SHROOM4: variants seen among roughly 807,000 people sequenced by gnomAD.
The protein encoded by SHROOM4 is shroom family member 4.
Under a neutral mutation model 80.3 loss-of-function variants are expected in SHROOM4, and 17 were observed. That is an observed-to-expected ratio of 0.21 (90% CI 0.14 to 0.32). The LOEUF is 0.32. Ranked by LOEUF, SHROOM4 falls within the 10% of genes least tolerant of loss-of-function variation. The pLI is 1.00. For missense variants in SHROOM4, 993 were observed against 1,140.3 expected (o/e 0.87, Z 1.86); for synonymous variants, 400 against 437.5 (o/e 0.91, Z 1.07).
At chrX:50,609,665 ATGTGTG>A (rs3078713) in intron 5 of SHROOM4, among the ~76,000 whole-genome samples, 12 of 88,253 alleles carry the variant, frequency 1.4e-4, no homozygotes, top group Non-Finnish European at 1.9e-4. Flanking sequence ...AGTCATGGAT[ATGTGTG>A]TGTGTGTGTG....
Position 50,633,525 on chromosome X carries a change from G to C in SHROOM4, c.2548C>G (p.Leu850Val). The change falls in exon 4 of 9, where the codon CTT (leucine) becomes GTT (valine). Residue 850 changes from leucine to valine, a missense_variant. Leu to Val is a conservative substitution (Grantham distance 32, BLOSUM62 1). Coordinates refer to ENST00000376020, the MANE Select transcript of SHROOM4 (RefSeq NM_020717.5). ...TDQSYHSMSP[L>V]QSETPTYSEC... ...GAGTAAGTGGGAGTTTCTGACTGAA[G>C]GGGTGACATGGAATGATATGATTGG... 8.3e-7 allele frequency: 1 copy of C among 1,211,545 alleles called. No homozygotes were observed. The highest frequency in any genetic ancestry group is 1.1e-6 in the Non-Finnish European group (1 of 895,439).
intron 1 of SHROOM4, among the ~76,000 whole-genome samples, chrX:50,757,891 G>A (rs1935071406): frequency 9.1e-6 from 1 of 110,355 alleles, no homozygotes; most frequent in Non-Finnish European, 1.9e-5. Flanking sequence ...CATCTGGGAA[G>A]TACAGCCATT....
chrX:50,640,023 C>T (rs1557256864), intron 2 of SHROOM4, among the ~76,000 whole-genome samples: 1 of 111,256 alleles, frequency 9.0e-6, no homozygotes, highest in African/African-American at 3.3e-5. Flanking sequence ...GGGCTGAAGG[C>T]ACAAGGAGAC....
rs1377385115 is a variant in SHROOM4 at position 50,589,782 on chromosome X, G to A, written c.*6913C>T. 3.6e-5 allele frequency among the ~76,000 whole-genome samples: 4 copies of A among 111,521 alleles called. No individual in the cohort carries two copies. Among genetic ancestry groups the A allele is most frequent in the African/African-American group, 9.8e-5 (3 of 30,654 alleles). On this transcript the variant is annotated 3_prime_UTR_variant, in exon 9 of 9. Coordinates refer to ENST00000376020, the MANE Select transcript of SHROOM4 (RefSeq NM_020717.5). Reference sequence around the variant, plus strand: ...TTGAACACCTGTTTCCAATTCTCTTGGGTATATACCTAGGGATGGAATTGC... The same window carrying A: ...TTGAACACCTGTTTCCAATTCTCTTAGGTATATACCTAGGGATGGAATTGC...
At chrX:50,771,129 A>G (rs1012589376) in intron 1 of SHROOM4, among the ~76,000 whole-genome samples, 2 of 111,265 alleles carry the variant, frequency 1.8e-5, no homozygotes, top group African/African-American at 6.5e-5. Context: ...AGGTATCTTT[A>G]AGCTGGAACT....
In SHROOM4 at chrX:50,591,686, T is replaced by C. The variant is rs1325363986; in HGVS notation, c.*5009A>G. On this transcript the variant is annotated 3_prime_UTR_variant, in exon 9 of 9. Transcript: ENST00000376020. ...TGGAACTGTTTTCTTTCTTTCTTTCTTTCTTTCTTTTCTTTCTTTCTTTCT... is the reference window on the plus strand; with the variant it reads ...TGGAACTGTTTTCTTTCTTTCTTTCCTTCTTTCTTTTCTTTCTTTCTTTCT... 1 of 262,420 alleles carries C rather than the reference T, an allele frequency of 3.8e-6. No homozygotes were observed. The highest frequency in any genetic ancestry group is 6.7e-6 in the Non-Finnish European group (1 of 149,717). 21.6% of individuals were successfully genotyped at this position (262,420 alleles called of 1,213,427 possible).
intron 2 of SHROOM4, among the ~76,000 whole-genome samples, chrX:50,690,909 G>A: frequency 8.9e-6 from 1 of 112,688 alleles, no homozygotes; most frequent in Non-Finnish European, 1.9e-5. Context: ...GGAGGTTATA[G>A]TGAGCCAAGA....
intron 1 of SHROOM4, among the ~76,000 whole-genome samples, chrX:50,701,147 C>T (rs1034916997): frequency 2.7e-5 from 3 of 111,801 alleles, no homozygotes; most frequent in South Asian, 7.6e-4. Flanking sequence ...CAACAAAGGC[C>T]GTCTAAGCTC....
At chrX:50,704,764 G>T (rs146743512) in intron 1 of SHROOM4, among the ~76,000 whole-genome samples, 22 of 111,089 alleles carry the variant, frequency 2.0e-4, no homozygotes, top group African/African-American at 6.9e-4. Flanking sequence ...CCCTCCAGCA[G>T]ATGTGGACGA....
At chrX:50,794,675 T>A (rs1448405770) in intron 1 of SHROOM4, among the ~76,000 whole-genome samples, 1 of 100,620 alleles carries the variant, frequency 9.9e-6, no homozygotes, top group East Asian at 3.1e-4. Flanking sequence ...CACACTAAAA[T>A]TCACAGTCTC....
At chrX:50,602,248 C>T (rs996530320) in intron 7 of SHROOM4, among the ~76,000 whole-genome samples, 5 of 110,038 alleles carry the variant, frequency 4.5e-5, no homozygotes, top group South Asian at 4.0e-4. Flanking sequence ...CCCACCACCA[C>T]GCCTGGCTAA....
chrX:50,596,689 G>C lies in SHROOM4; in HGVS notation c.*6C>G. On this transcript the variant is annotated 3_prime_UTR_variant, in exon 9 of 9. Transcript: ENST00000376020. ...GCAGGGATGCTGTGGCAGAGTGCTG[G>C]TAGAATTAGAAATTGCTGGGCCCCA... The C allele has an allele frequency of 8.3e-7, 1 of 1,209,196 alleles. No individual in the cohort carries two copies.
At chrX:50,668,951 G>A (rs993686550) in intron 2 of SHROOM4, among the ~76,000 whole-genome samples, 1 of 112,963 alleles carries the variant, frequency 8.9e-6, no homozygotes, top group Non-Finnish European at 1.9e-5. Flanking sequence ...GTTTCTCCAT[G>A]CATATAAAAG....
At chrX:50,737,903 G>C (rs1347725246) in intron 1 of SHROOM4, among the ~76,000 whole-genome samples, 1 of 111,556 alleles carries the variant, frequency 9.0e-6, no homozygotes, top group Non-Finnish European at 1.9e-5. Flanking sequence ...CAATATCCCT[G>C]ATGAACATCA....
At chrX:50,581,638 A>G in the SHROOM4 span, among the ~76,000 whole-genome samples, 3 of 111,243 alleles carry the variant, frequency 2.7e-5, no homozygotes, top group Admixed American at 2.9e-4. Flanking sequence ...CTTCTCCCTG[A>G]GAGAGCCATC....
intron 1 of SHROOM4, among the ~76,000 whole-genome samples, chrX:50,749,691 A>G (rs968189587): frequency 6.2e-5 from 7 of 112,054 alleles, no homozygotes; most frequent in African/African-American, 2.3e-4. Flanking sequence ...AAAGAAAAAG[A>G]GGTAGGGAAG....
intron 1 of SHROOM4, 100 bp from the exon 2 acceptor site, chrX:50,696,037 G>A: frequency 1.0e-6 from 1 of 976,889 alleles, no homozygotes; most frequent in Non-Finnish European, 1.4e-6. Context: ...GTAGTACTGG[G>A]GAATGGCTCC....
At chrX:50,783,570 C>T (rs1000731404) in intron 1 of SHROOM4, among the ~76,000 whole-genome samples, 1 of 107,339 alleles carries the variant, frequency 9.3e-6, no homozygotes, top group Non-Finnish European at 1.9e-5. Context: ...ATTGACAAGT[C>T]GATTCTAATT....
intron 1 of SHROOM4, among the ~76,000 whole-genome samples, chrX:50,726,019 C>T (rs781929628): frequency 3.6e-5 from 4 of 111,824 alleles, no homozygotes; most frequent in Non-Finnish European, 7.5e-5. Flanking sequence ...ATGAAGTCCA[C>T]GCTGCGGTGG....
Sources: gnomAD v4.1 joint callset for allele counts (sites outside exome capture counted in the v4.1 genomes callset) on GRCh38, gnomAD v4.1.1 for gene constraint, MANE v1.5 for transcripts, NCBI Gene and HGNC (gene_info 2026-07-23, HGNC 2026-07-21) for gene names.